The following MEF2D variants were observed in gnomAD, a reference collection of about 807,000 sequenced individuals.
MEF2D encodes the protein myocyte-specific enhancer factor 2D.
MEF2D carries 10 observed loss-of-function variants against 59.3 expected under a neutral mutation model. The ratio of observed to expected loss-of-function variants is 0.17; its 90% CI spans 0.10 to 0.29. MEF2D has a LOEUF of 0.29. Ranked by LOEUF, MEF2D falls within the 10% of genes least tolerant of loss-of-function variation. The probability of loss-of-function intolerance (pLI) is 1.00; values close to 1 mark genes in which losing one functional copy is unlikely to be tolerated. For synonymous variants in MEF2D, 305 were observed against 295.0 expected, an observed-to-expected ratio of 1.03 and a Z score of -0.35; for missense variants, 508 against 699.4, an observed-to-expected ratio of 0.73 and a Z score of 3.09.
chr1:156,479,241 T>C lies in MEF2D; in HGVS notation c.664+49A>G, dbSNP rs377373044. 6.2e-4 allele frequency: 948 copies of C among 1,531,374 alleles called. 2 individuals carry two copies. Among genetic ancestry groups the C allele is most frequent in the Non-Finnish European group, 8.1e-4 (919 of 1,137,290 alleles). The allele number at this position is 1,531,374 out of a possible 1,614,324, so 94.9% of individuals were successfully genotyped here. The stretch of plus-strand genomic sequence containing the variant: ...TGATCCTTGGACCCCCTGAGGCCAC[T>C]GAGCGGGCACCCCTCCCCACCTCCA... On this transcript the variant is annotated intron_variant, in intron 6 of 11. Coordinates refer to ENST00000348159, the MANE Select transcript of MEF2D (RefSeq NM_005920.4).
At chr1:156,496,954 C>T (rs374500003) in intron 1 of MEF2D, among the ~76,000 whole-genome samples, 1 of 152,174 alleles carries the variant, frequency 6.6e-6, no homozygotes, top group Non-Finnish European at 1.5e-5. Flanking sequence ...CAAATAGCAC[C>T]GACCCCACCA....
chr1:156,496,363 G>A (rs1673128601), intron 1 of MEF2D, among the ~76,000 whole-genome samples: 1 of 152,120 alleles, frequency 6.6e-6, no homozygotes, highest in African/African-American at 2.4e-5. Context: ...TGGAAAGCTG[G>A]GGCCCAAGAG....
chr1:156,475,029 G>T, intron 9 of MEF2D, 79 bp downstream of exon 9: 1 of 1,603,880 alleles, frequency 6.2e-7, no homozygotes, highest in Non-Finnish European at 8.5e-7. Flanking sequence ...CCTGTCCAGG[G>T]GATAACTAGC....
At position 156,491,886 on chromosome 1, in the gene MEF2D, C is replaced by T. The variant is rs150236021; in HGVS notation, c.-138-8456G>A. Among the ~76,000 whole-genome samples, 9 of 152,346 alleles carry T rather than the reference C, an allele frequency of 5.9e-5. No homozygotes were observed. In the East Asian group the frequency reaches 7.7e-4, roughly 13 times the overall value. ...CCCACCCAGGATCCGTAGGCACTTG[C>T]GGACACCAAGTGGAGTTCTTGGCAC... is the stretch of plus-strand genomic sequence containing the variant. On this transcript the variant is annotated intron_variant, in intron 1 of 11. Transcript: ENST00000348159.
At chr1:156,483,649 C>A (rs3818463) in intron 1 of MEF2D, among the ~76,000 whole-genome samples, 1 of 152,038 alleles carries the variant, frequency 6.6e-6, no homozygotes, top group Non-Finnish European at 1.5e-5. Context: ...CCCTCGGTCA[C>A]TGCTGTCCTC....
intron 9 of MEF2D, among the ~76,000 whole-genome samples, chr1:156,474,613 C>G (rs1671444997): frequency 1.3e-5 from 2 of 152,034 alleles, no homozygotes; most frequent in African/African-American, 4.8e-5. Context: ...GAATTTGAGA[C>G]TAGCCTGGGC....
At chr1:156,483,043 C>A (rs1172601020) in intron 2 of MEF2D, among the ~76,000 whole-genome samples, 196 bp downstream of exon 2, 1 of 152,164 alleles carries the variant, frequency 6.6e-6, no homozygotes, top group Non-Finnish European at 1.5e-5. Flanking sequence ...GCAGAAGAGT[C>A]CTGGAGTCCA....
Position 156,480,981 on chromosome 1 carries a change from C to A in MEF2D, c.259-10G>T, listed in dbSNP as rs374908375. Reference sequence around the variant, plus strand: ...CCTTCTTCCTCAGGGTCTGTAACCGCACCACTGCCATCAGCTGGGTGAGAG... The same window carrying A: ...CCTTCTTCCTCAGGGTCTGTAACCGAACCACTGCCATCAGCTGGGTGAGAG... On this transcript the variant is annotated splice_polypyrimidine_tract_variant and intron_variant, in intron 3 of 11. Coordinates refer to ENST00000348159, the MANE Select transcript of MEF2D (RefSeq NM_005920.4). The A allele has an allele frequency of 4.3e-6, 7 of 1,611,564 alleles. No homozygotes were observed. In the South Asian group the frequency reaches 7.7e-5, roughly 18 times the overall value.
Position 156,483,368 on chromosome 1 carries a change from C to T in MEF2D, c.-76G>A. ...GGGTCTCGGCACACCTTACACTGTG[C>T]TCATGAACGGTCTGGGAACAGTGCT... On this transcript the variant is annotated 5_prime_UTR_variant, in exon 2 of 12. Coordinates refer to ENST00000348159, the MANE Select transcript of MEF2D (RefSeq NM_005920.4). 1 of 1,362,440 alleles carries T rather than the reference C, an allele frequency of 7.3e-7. No individual in the cohort carries two copies. The highest frequency in any genetic ancestry group is 1.1e-6 in the Non-Finnish European group (1 of 951,376). 84.4% of individuals were successfully genotyped at this position (1,362,440 alleles called of 1,614,324 possible). A position where few individuals can be genotyped will look rare whatever the true frequency, so the allele number is the denominator to read the frequency against.
chr1:156,474,986 T>A (rs1324518865), intron 9 of MEF2D, 122 bp downstream of exon 9: 5 of 1,389,864 alleles, frequency 3.6e-6, no homozygotes, highest in Admixed American at 4.5e-5. Flanking sequence ...TAGGTGGGGG[T>A]TCCCCCAAAT....
At chr1:156,471,631 T>C (rs775503664) in intron 9 of MEF2D, among the ~76,000 whole-genome samples, 6 of 152,218 alleles carry the variant, frequency 3.9e-5, no homozygotes, top group Non-Finnish European at 8.8e-5. Flanking sequence ...GGCAGCCTAC[T>C]GGTCTGCTCC....
chr1:156,473,029 T>C (rs1671334826), intron 9 of MEF2D, among the ~76,000 whole-genome samples: 1 of 150,778 alleles, frequency 6.6e-6, no homozygotes, highest in South Asian at 2.1e-4. Context: ...TTGAACTTTT[T>C]TTTTTTTGAG....
chr1:156,471,431 A>G (rs1312676487), intron 9 of MEF2D, among the ~76,000 whole-genome samples: 5 of 152,172 alleles, frequency 3.3e-5, no homozygotes, highest in African/African-American at 1.2e-4. Flanking sequence ...GCCCGGCCAG[A>G]ATCAACTATT....
rs750520690 is a variant in MEF2D at position 156,481,084 on chromosome 1, A to G, written c.259-113T>C. On this transcript the variant is annotated intron_variant, in intron 3 of 11. Transcript: ENST00000348159. ...CTACTCTTCCCCGACCTCCTTCTTC[A>G]GGGTTCCCAGCATCTCCCTGGCCCC... 7.7e-4 allele frequency: 1,115 copies of G among 1,452,516 alleles called. 2 individuals are homozygous for G. Among genetic ancestry groups the G allele is most frequent in the Non-Finnish European group, 9.9e-4 (1,059 of 1,065,508 alleles). The allele number at this position is 1,452,516 out of a possible 1,614,324, so 90.0% of individuals were successfully genotyped here.
At chr1:156,484,591 A>G (rs1750304) in intron 1 of MEF2D, among the ~76,000 whole-genome samples, 129,366 of 151,790 alleles carry the variant, frequency 0.85, 55,732 homozygotes, top group East Asian at 1. Flanking sequence ...AAAATACAGG[A>G]ACAAATGACA....
intron 5 of MEF2D, 34 bp downstream of exon 5, chr1:156,479,552 T>C (rs1250887549): frequency 6.5e-7 from 1 of 1,548,230 alleles, no homozygotes. Context: ...ACATCTCATT[T>C]CCACCTCACC....
Position 156,483,258 on chromosome 1 carries a change from G to A in MEF2D, c.35C>T (p.Thr12Ile), listed in dbSNP as rs1421630062. The part of the protein sequence containing the change: ...GRKKIQIQRI[T>I]DERNRQVTFT... Reference sequence around the variant, plus strand: ...CCCTACCTGTCGGTTCCGCTCGTCGGTGATTCGCTGGATCTGAATCTTTTT... The same window carrying A: ...CCCTACCTGTCGGTTCCGCTCGTCGATGATTCGCTGGATCTGAATCTTTTT... The change falls in exon 2 of 12, where the codon ACC becomes ATC. Residue 12 changes from threonine (T) to isoleucine (I), a missense_variant. Thr to Ile is a moderately conservative substitution (Grantham distance 89). Transcript: ENST00000348159. 3 of 1,614,032 alleles carry A rather than the reference G, an allele frequency of 1.9e-6. No individual in the cohort carries two copies. The highest frequency in any genetic ancestry group is 3.3e-5 in the Admixed American group (2 of 59,992).
At chr1:156,493,835 C>T (rs774424862) in intron 1 of MEF2D, among the ~76,000 whole-genome samples, 10 of 152,098 alleles carry the variant, frequency 6.6e-5, no homozygotes, top group Non-Finnish European at 1.3e-4. Flanking sequence ...CCCCACCCCT[C>T]AGAACAGGTG....
At position 156,468,935 on chromosome 1, in the gene MEF2D, C is replaced by G; in HGVS notation, c.1092G>C (p.Trp364Cys). 1 of 1,613,716 alleles carries G rather than the reference C, an allele frequency of 6.2e-7. No homozygotes were observed. Residue 364 changes from tryptophan to cysteine, a missense_variant, in exon 10 of 12, where the codon TGG (tryptophan) becomes TGC (cysteine). Trp to Cys is a radical substitution (Grantham distance 215, BLOSUM62 -2). Around this residue, in one of 2 missense-constraint regions of MEF2D, gnomAD observed 481 missense variants for 584.7 expected, o/e 0.82. Transcript: ENST00000348159. This position sits in a 1 kb window ranked among gnomAD's most constrained non-coding sequence, Gnocchi z 4.3. ...GGLSLGNVTAWQQPQQPQQPQ... is the reference protein window; with the variant it reads ...GGLSLGNVTACQQPQQPQQPQ... ...GCTGCTGGGGCTGCTGTGGCTGTTG[C>G]CAGGCAGTGACATTGCCTAGCGACA...
Sources: allele counts gnomAD v4.1 joint callset (sites outside exome capture counted in the v4.1 genomes callset), GRCh38; gene constraint gnomAD v4.1.1; regional missense constraint gnomAD v4.1.1; non-coding constraint Gnocchi (gnomAD v3.1); transcripts MANE v1.5; gene names NCBI Gene and HGNC (gene_info 2026-07-23, HGNC 2026-07-21).